Variants in PHKB observed in about 807,000 individuals in gnomAD.
The protein encoded by PHKB is phosphorylase kinase regulatory subunit beta.
A neutral mutation model predicts 152.1 loss-of-function variants in PHKB; 122 were observed. That is an observed-to-expected ratio of 0.80 (90% CI 0.69 to 0.93). The LOEUF (loss-of-function observed/expected upper bound fraction) is 0.93. PHKB is among the 40% of genes least tolerant of loss of function. The probability of loss-of-function intolerance (pLI) is 0.00; values close to 1 mark genes in which losing one functional copy is unlikely to be tolerated. For synonymous variants in PHKB, 436 were observed against 464.9 expected (o/e 0.94, Z 0.80); for missense variants, 1,304 against 1,328.4 (o/e 0.98, Z 0.29).
In PHKB at chr16:47,696,441, A is replaced by G; in HGVS notation, c.2956A>G (p.Thr986Ala). 6.2e-7 allele frequency: 1 copy of G among 1,611,342 alleles called. No homozygotes were observed. The highest frequency in any genetic ancestry group is 8.5e-7 in the Non-Finnish European group (1 of 1,177,440). The change falls in exon 29 of 31, where the codon ACG (threonine) becomes GCG (alanine). Residue 986 changes from threonine to alanine, a missense_variant. By Grantham distance (58) the Thr-to-Ala change is moderately conservative. Transcript: ENST00000323584. ...EMNFSLLVED[T>A]LGNIDQPQYR... ...GAATTTCTCTCTCCTTGTTGAAGAC[A>G]CGTTGGGAAATATTGACCAGCCACA... is the stretch of plus-strand genomic sequence containing the variant.
At chr16:47,598,084 CATT>C (rs1972155489) in intron 13 of PHKB, 1 of 152,000 alleles carries the variant, frequency 6.6e-6, no homozygotes, top group African/African-American at 2.4e-5. Flanking sequence ...AATAAAATGA[CATT>C]ATGGATTTTG....
At chr16:47,693,339 C>G in intron 27 of PHKB, 39 bp from the exon 28 acceptor site, 2 of 1,611,978 alleles carry the variant, frequency 1.2e-6, no homozygotes, top group Non-Finnish European at 1.7e-6. Context: ...CCAGAACAAG[C>G]TTGTTCTTCA....
intron 26 of PHKB, among the ~76,000 whole-genome samples, chr16:47,676,946 C>T (rs1973742839): frequency 1.3e-5 from 2 of 152,260 alleles, no homozygotes; most frequent in Non-Finnish European, 2.9e-5. Context: ...GCTTTTCATA[C>T]TGCCAGGGCA....
chr16:47,498,323 AT>A (rs1970267464), intron 2 of PHKB, among the ~76,000 whole-genome samples: 1 of 152,172 alleles, frequency 6.6e-6, no homozygotes, highest in Non-Finnish European at 1.5e-5. Flanking sequence ...CTTAGGACTA[AT>A]TTTTTACACT....
At chr16:47,677,222 T>C (rs998811333) in intron 26 of PHKB, among the ~76,000 whole-genome samples, 3 of 152,144 alleles carry the variant, frequency 2.0e-5, no homozygotes, top group Non-Finnish European at 4.4e-5. Flanking sequence ...CTCTATTCTA[T>C]TGTGATTGGA....
intron 14 of PHKB, among the ~76,000 whole-genome samples, chr16:47,615,711 C>T (rs1972502883): frequency 6.6e-6 from 1 of 152,228 alleles, no homozygotes; most frequent in Non-Finnish European, 1.5e-5. Flanking sequence ...CTTTCAGAAT[C>T]CTTTAATAGT....
intron 14 of PHKB, among the ~76,000 whole-genome samples, chr16:47,632,023 A>G (rs1447450688): frequency 1.3e-5 from 2 of 152,152 alleles, no homozygotes; most frequent in African/African-American, 2.4e-5. Context: ...CTTATCAACA[A>G]GCTGTCGTGT....
chr16:47,641,707 C>T lies in PHKB; in HGVS notation c.1608+15C>T. ...AGCTTGTGAAAGTAAGTGATTCTGC[C>T]TTTTACTTTCCTTACTTTGTAGAGG... On this transcript the variant is annotated intron_variant, in intron 16 of 30. Transcript: ENST00000323584. The T allele has an allele frequency of 4.4e-6, 6 of 1,360,930 alleles. No individual in the cohort carries two copies. Among genetic ancestry groups the T allele is most frequent in the Non-Finnish European group, 6.3e-6 (6 of 949,142 alleles). 84.3% of individuals were successfully genotyped at this position (1,360,930 alleles called of 1,614,324 possible).
chr16:47,637,567 A>G lies in PHKB; in HGVS notation c.1459-3468A>G, dbSNP rs1028306357. On this transcript the variant is annotated intron_variant, in intron 14 of 30. Coordinates refer to ENST00000323584, the MANE Select transcript of PHKB (RefSeq NM_000293.3). ...CACTTAGAGATAATAGCTTAAAGCT[A>G]CTAGAGTGGATGAGATTTGAGAAAG... Among the ~76,000 whole-genome samples the G allele has an allele frequency of 1.2e-4, 18 of 152,206 alleles. 1 individual carries two copies. The highest frequency in any genetic ancestry group is 3.9e-4 in the African/African-American group (16 of 41,460).
At chr16:47,503,140 A>G (rs755321368) in intron 4 of PHKB, 50 bp downstream of exon 4, 1 of 1,146,144 alleles carries the variant, frequency 8.7e-7, no homozygotes, top group Non-Finnish European at 1.3e-6. Flanking sequence ...CTGAAGGATT[A>G]ATTTAACTAG....
intron 6 of PHKB, among the ~76,000 whole-genome samples, chr16:47,519,239 A>G (rs1970646453): frequency 6.6e-6 from 1 of 152,162 alleles, no homozygotes; most frequent in Non-Finnish European, 1.5e-5. Context: ...CAAGTATGTC[A>G]TGTTTCAGAT....
intron 7 of PHKB, chr16:47,566,563 T>C (rs1443410470): frequency 4.5e-6 from 7 of 1,564,768 alleles, no homozygotes; most frequent in Non-Finnish European, 6.1e-6. Context: ...AATTCTTTAA[T>C]GTACTCTTCT....
intron 14 of PHKB, among the ~76,000 whole-genome samples, chr16:47,618,122 C>T (rs1005243443): frequency 6.6e-6 from 1 of 152,234 alleles, no homozygotes; most frequent in Non-Finnish European, 1.5e-5. Context: ...CCTGCTGCAG[C>T]ACTTTGGTGA....
At position 47,650,891 on chromosome 16, in the gene PHKB, A is replaced by G. The variant is rs551223829; in HGVS notation, c.1941A>G (p.Gly647=). ...MLAALKKGII[G]GVKVHVDRLQ... is the part of the protein sequence containing the mutation. ...CAGCCCTTAAAAAAGGAATAATTGG[A>G]GGAGTCAAAGTTCATGTGGATCGTC... Residue 647 remains glycine, a synonymous_variant, in exon 20 of 31, where the codon GGA becomes GGG. Coordinates refer to ENST00000323584, the MANE Select transcript of PHKB (RefSeq NM_000293.3). 1.2e-6 allele frequency: 2 copies of G among 1,613,576 alleles called. No individual in the cohort carries two copies. Among genetic ancestry groups the G allele is most frequent in the African/African-American group, 2.7e-5 (2 of 75,026 alleles).
chr16:47,566,139 C>T (rs539892887), intron 7 of PHKB: 11 of 646,132 alleles, frequency 1.7e-5, no homozygotes, highest in African/African-American at 5.4e-5. Context: ...GTCATCATAG[C>T]GATCCCAGTC....
intron 14 of PHKB, among the ~76,000 whole-genome samples, chr16:47,632,017 T>C (rs1972836622): frequency 6.6e-6 from 1 of 152,190 alleles, no homozygotes; most frequent in Non-Finnish European, 1.5e-5. Context: ...ATAACTCTTA[T>C]CAACAAGCTG....
chr16:47,480,255 G>A lies in PHKB; in HGVS notation c.77-17144G>A, dbSNP rs116862528. ...AGCACTAGAAGTTAAGCTGATTTCC[G>A]CCCGAGTCCAGTTTATTTTTCCACA... On this transcript the variant is annotated intron_variant, in intron 1 of 30. Coordinates refer to ENST00000323584, the MANE Select transcript of PHKB (RefSeq NM_000293.3). 3.3e-5 allele frequency among the ~76,000 whole-genome samples: 5 copies of A among 152,174 alleles called. No individual in the cohort carries two copies. In the East Asian group the frequency reaches 5.8e-4, roughly 18 times the overall value.
intron 28 of PHKB, among the ~76,000 whole-genome samples, chr16:47,695,832 T>A (rs1974137447): frequency 6.6e-6 from 1 of 152,258 alleles, no homozygotes; most frequent in African/African-American, 2.4e-5. Context: ...CTACACAGTA[T>A]TCTTGTTTTA....
intron 6 of PHKB, chr16:47,529,931 A>G (rs944728173): frequency 1.3e-5 from 2 of 152,162 alleles, no homozygotes; most frequent in Admixed American, 6.5e-5. Flanking sequence ...GGAAGAAAGA[A>G]AAACCATATA....
Sources: allele counts gnomAD v4.1 joint callset (sites outside exome capture counted in the v4.1 genomes callset), GRCh38; gene constraint gnomAD v4.1.1; transcripts MANE v1.5; gene names NCBI Gene and HGNC (gene_info 2026-07-23, HGNC 2026-07-21).